Variants in MRTFB observed in about 807,000 individuals in gnomAD.
The protein encoded by MRTFB is myocardin related transcription factor B.
In MRTFB, 29 loss-of-function variants were observed where a neutral mutation model predicts 104.2. The ratio of observed to expected loss-of-function variants is 0.28; its 90% CI spans 0.21 to 0.38. The LOEUF (loss-of-function observed/expected upper bound fraction) is 0.38, where lower values mean the gene tolerates loss of function less well. MRTFB is among the 10% of genes least tolerant of loss of function. The probability of loss-of-function intolerance (pLI) is 1.00; values close to 1 mark genes in which losing one functional copy is unlikely to be tolerated. For missense variants in MRTFB, 1,270 were observed against 1,341.6 expected, an observed-to-expected ratio of 0.95 and a Z score of 0.83; for synonymous variants, 535 against 519.5, an observed-to-expected ratio of 1.03 and a Z score of -0.41.
At chr16:14,223,502 A>G (rs1325473965) in intron 8 of MRTFB, among the ~76,000 whole-genome samples, 1 of 152,156 alleles carries the variant, frequency 6.6e-6, no homozygotes, top group Non-Finnish European at 1.5e-5. Flanking sequence ...AAAACTATAT[A>G]TGAACAAACT....
chr16:14,205,071 A>G (rs1163627243), intron 3 of MRTFB, among the ~76,000 whole-genome samples: 1 of 152,202 alleles, frequency 6.6e-6, no homozygotes, highest in Non-Finnish European at 1.5e-5. Context: ...GTAGTTACAG[A>G]GTGATCGGAG....
At chr16:14,248,704 C>T in intron 12 of MRTFB, 1 of 426,120 alleles carries the variant, frequency 2.3e-6, no homozygotes, top group Non-Finnish European at 4.1e-6. Flanking sequence ...ATCTTAGCTA[C>T]TTAGGAATAA....
chr16:14,200,703 A>C, intron 3 of MRTFB: 2 of 1,533,086 alleles, frequency 1.3e-6, no homozygotes, highest in East Asian at 2.3e-5. Context: ...CAAGAGAATG[A>C]AACTGTGTCA....
At chr16:14,212,522 A>G in intron 5 of MRTFB, 113 bp downstream of exon 5, 2 of 961,272 alleles carry the variant, frequency 2.1e-6, no homozygotes, top group African/African-American at 1.6e-5. Context: ...GAGAAAAAAT[A>G]GTGTATTTTC....
At chr16:13,997,873 C>A in the MRTFB span, among the ~76,000 whole-genome samples, 1 of 151,494 alleles carries the variant, frequency 6.6e-6, no homozygotes, top group African/African-American at 2.4e-5. Context: ...GACACAGAAC[C>A]AGGAACCAGG....
intron 3 of MRTFB, among the ~76,000 whole-genome samples, chr16:14,199,729 T>G (rs2040599378): frequency 6.6e-6 from 1 of 152,238 alleles, no homozygotes; most frequent in Admixed American, 6.5e-5. Context: ...TGCTCAAAGT[T>G]TCTATCCTGG....
the MRTFB span, among the ~76,000 whole-genome samples, chr16:13,995,135 G>C: frequency 1.3e-5 from 2 of 152,132 alleles, no homozygotes; most frequent in African/African-American, 4.8e-5. Context: ...TTCGTTGGTT[G>C]ATCTTCGGAT....
chr16:14,109,056 A>G (rs1393608809), intron 2 of MRTFB, among the ~76,000 whole-genome samples: 2 of 152,170 alleles, frequency 1.3e-5, no homozygotes, highest in Non-Finnish European at 2.9e-5. Context: ...ATTAGAAGAA[A>G]TTGATCTTTA....
At chr16:14,147,683 A>C (rs2142730297) in intron 3 of MRTFB, among the ~76,000 whole-genome samples, 1 of 152,312 alleles carries the variant, frequency 6.6e-6, no homozygotes, top group Non-Finnish European at 1.5e-5. Flanking sequence ...CAGCATCAGA[A>C]TGCTAACATG....
At chr16:14,233,401 G>A (rs182449346) in intron 8 of MRTFB, among the ~76,000 whole-genome samples, 291 of 152,246 alleles carry the variant, frequency 1.9e-3, no homozygotes, top group Non-Finnish European at 1.1e-3. Context: ...GGATGCTGCC[G>A]GAGGGTAGGT....
chr16:14,106,596 G>T (rs1315021883), intron 2 of MRTFB, among the ~76,000 whole-genome samples: 1 of 152,172 alleles, frequency 6.6e-6, no homozygotes, highest in African/African-American at 2.4e-5. Context: ...TCTGTAAAGG[G>T]TAGAGCTCAA....
intron 10 of MRTFB, among the ~76,000 whole-genome samples, chr16:14,242,113 C>G (rs2042800295): frequency 6.6e-6 from 1 of 152,096 alleles, no homozygotes; most frequent in African/African-American, 2.4e-5. Flanking sequence ...CTGTTATTGA[C>G]CCCATTCCCA....
intron 8 of MRTFB, among the ~76,000 whole-genome samples, chr16:14,233,657 G>A (rs926079242): frequency 6.6e-6 from 1 of 151,824 alleles, no homozygotes; most frequent in Non-Finnish European, 1.5e-5. Flanking sequence ...GAGTGTGGTG[G>A]TACATGCCTG....
At chr16:14,003,312 T>A in the MRTFB span, among the ~76,000 whole-genome samples, 1 of 152,164 alleles carries the variant, frequency 6.6e-6, no homozygotes, top group Non-Finnish European at 1.5e-5. Context: ...GAAATGGTCC[T>A]GTCACTTCTC....
At chr16:14,048,798 C>T in the MRTFB span, among the ~76,000 whole-genome samples, 5 of 152,162 alleles carry the variant, frequency 3.3e-5, no homozygotes, top group Non-Finnish European at 7.3e-5. Flanking sequence ...ACATCCACCA[C>T]CCCCTTTTGA....
At chr16:14,191,595 A>G (rs1454286284) in intron 3 of MRTFB, among the ~76,000 whole-genome samples, 2 of 152,200 alleles carry the variant, frequency 1.3e-5, no homozygotes, top group Admixed American at 6.5e-5. Context: ...AATACCCTGC[A>G]TCTCATAGAC....
chr16:14,134,961 TGTCAAGCTGAGTAA>T (rs2037633353), intron 2 of MRTFB, among the ~76,000 whole-genome samples: 1 of 152,252 alleles, frequency 6.6e-6, no homozygotes, highest in African/African-American at 2.4e-5. Context: ...TTAGATTTAG[TGTCAAGCTGAGTAA>T]ATATTCTTCC....
chr16:14,220,630 G>GAATA lies in MRTFB; in HGVS notation c.693+1637_693+1640dup, dbSNP rs201094143. Among the ~76,000 whole-genome samples, 1,493 of 152,296 alleles carry GAATA rather than the reference G, an allele frequency of 9.8e-3. 28 individuals carry two copies. Among genetic ancestry groups the GAATA allele is most frequent in the African/African-American group, 0.034 (1,422 of 41,568 alleles). ...AATAGTAATAACAGTGTTTCTTGAA[G>GAATA]AATAAATATGGTCTGTTTATTCCCA... On this transcript the variant is annotated intron_variant, in intron 8 of 16. Coordinates refer to ENST00000571589, the MANE Select transcript of MRTFB (RefSeq NM_001308142.2).
intron 8 of MRTFB, among the ~76,000 whole-genome samples, chr16:14,221,886 A>G (rs970523636): frequency 1.2e-4 from 18 of 144,530 alleles, no homozygotes; most frequent in Admixed American, 1.1e-3. Context: ...GGTTCAAGCG[A>G]TTCTCCCGCT....
Sources: gnomAD v4.1 joint callset for allele counts (sites outside exome capture counted in the v4.1 genomes callset) on GRCh38, gnomAD v4.1.1 for gene constraint, MANE v1.5 for transcripts, NCBI Gene and HGNC (gene_info 2026-07-23, HGNC 2026-07-21) for gene names.